Variants in MYO9A observed in about 807,000 individuals in gnomAD.
The protein encoded by MYO9A is unconventional myosin-IXa.
In MYO9A, 103 loss-of-function variants were observed where a neutral mutation model predicts 293.3. The observed-to-expected ratio is 0.35, with a 90% CI of 0.30 to 0.41. MYO9A has a LOEUF of 0.41. MYO9A is among the 10% of genes least tolerant of loss of function. The pLI is 1.00. For missense variants in MYO9A, 2,685 were observed against 3,033.0 expected (o/e 0.89, Z 2.69); for synonymous variants, 1,001 against 1,035.7 (o/e 0.97, Z 0.64).
In MYO9A at chr15:71,852,225, G is replaced by C; in HGVS notation, c.6382C>G (p.His2128Asp). The C allele has an allele frequency of 6.2e-7, 1 of 1,612,904 alleles. No individual in the cohort carries two copies. The highest frequency in any genetic ancestry group is 8.5e-7 in the Non-Finnish European group (1 of 1,179,120). ...ESVNLDDYNI[H>D]VIASVFKQWL... ...TGTTTGAATACACTTGCAATGACGT[G>C]TATGTTATAGTCATCTAGATTTACA... Residue 2128 changes from histidine (H) to aspartate (D), a missense_variant, in exon 36 of 42, where the codon CAC (histidine) becomes GAC (aspartate). This residue lies in a region of MYO9A where 238 missense variants were observed against 269.1 expected (regional missense o/e 0.88). Coordinates refer to ENST00000356056, the MANE Select transcript of MYO9A (RefSeq NM_006901.4).
At chr15:71,846,920 G>A (rs529927335) in intron 39 of MYO9A, among the ~76,000 whole-genome samples, 3 of 152,344 alleles carry the variant, frequency 2.0e-5, no homozygotes, top group African/African-American at 7.2e-5. Flanking sequence ...TAAATGCTAA[G>A]TGGATAAGAA....
chr15:71,978,211 T>C lies in MYO9A; in HGVS notation c.1804A>G (p.Lys602Glu). The C allele has an allele frequency of 6.2e-7, 1 of 1,613,376 alleles. No individual in the cohort carries two copies. Among genetic ancestry groups the C allele is most frequent in the Non-Finnish European group, 8.5e-7 (1 of 1,179,706 alleles). ...AAAAGATGAAGCAGTCCTGTTGGTTTTTTGCTAATAAGATTTATGCAGCAG... is the reference window on the plus strand; with the variant it reads ...AAAAGATGAAGCAGTCCTGTTGGTTCTTTGCTAATAAGATTTATGCAGCAG... ...NTCCINLISK[K>E]PTGLLHLLDE... Residue 602 changes from lysine (K) to glutamate (E), a missense_variant, in exon 12 of 42, where the codon AAA becomes GAA. Physicochemically the swap from Lys to Glu is moderately conservative, Grantham distance 56. This residue lies in a region of MYO9A where 201 missense variants were observed against 245.2 expected (regional missense o/e 0.82). Coordinates refer to ENST00000356056, the MANE Select transcript of MYO9A (RefSeq NM_006901.4).
intron 13 of MYO9A, among the ~76,000 whole-genome samples, chr15:71,966,831 T>C (rs752805107): frequency 6.6e-6 from 1 of 152,196 alleles, no homozygotes; most frequent in Non-Finnish European, 1.5e-5. Flanking sequence ...ACAAGTCGTA[T>C]CCTCTGCTTA....
chr15:72,005,304 C>G (rs545447035), intron 8 of MYO9A, among the ~76,000 whole-genome samples: 1 of 152,126 alleles, frequency 6.6e-6, no homozygotes, highest in African/African-American at 2.4e-5. Flanking sequence ...AGATTTCTCT[C>G]TTTTTTTTAA....
intron 40 of MYO9A, 127 bp from the exon 41 acceptor site, chr15:71,828,153 C>T: frequency 2.7e-6 from 3 of 1,093,696 alleles, no homozygotes; most frequent in Non-Finnish European, 3.9e-6. Flanking sequence ...CTGTCCCCAT[C>T]CAGGTGGTGA....
chr15:71,903,234 T>G (rs1596150078), intron 21 of MYO9A, among the ~76,000 whole-genome samples, 171 bp from the exon 22 acceptor site: 1 of 151,420 alleles, frequency 6.6e-6, no homozygotes, highest in Admixed American at 6.6e-5. Context: ...ACATAGGAGG[T>G]GGAGAAAGAT....
At chr15:72,069,802 A>T (rs974683062) in intron 1 of MYO9A, among the ~76,000 whole-genome samples, 1 of 148,540 alleles carries the variant, frequency 6.7e-6, no homozygotes, top group African/African-American at 2.5e-5. Context: ...CTGACTTTCA[A>T]TTAGAATGGG....
intron 6 of MYO9A, among the ~76,000 whole-genome samples, chr15:72,010,742 T>C (rs2077148553): frequency 6.6e-6 from 1 of 152,198 alleles, no homozygotes; most frequent in Non-Finnish European, 1.5e-5. Flanking sequence ...ACTCAGTAAG[T>C]GTGCTGATAC....
chr15:71,922,647 T>C (rs771486806), intron 18 of MYO9A, among the ~76,000 whole-genome samples: 2 of 152,176 alleles, frequency 1.3e-5, no homozygotes, highest in Non-Finnish European at 2.9e-5. Context: ...AACTCTATTA[T>C]ATACTGCTAT....
At position 71,956,347 on chromosome 15, in the gene MYO9A, AT is replaced by A. The variant is rs1209987773; in HGVS notation, c.2182+3553del. Among the ~76,000 whole-genome samples the A allele has an allele frequency of 4.4e-5, 6 of 137,296 alleles. No homozygotes were observed. In the East Asian group the frequency reaches 6.1e-4, roughly 14 times the overall value. 90.1% of individuals were successfully genotyped at this position (137,296 alleles called of 152,430 possible). On this transcript the variant is annotated intron_variant, in intron 14 of 41. Coordinates refer to ENST00000356056, the MANE Select transcript of MYO9A (RefSeq NM_006901.4). ...AAAAAAAAAATATATATATATATAT[AT>A]ATAAAATACGCCCAGCGTGGTGGCT...
At chr15:72,044,350 G>A (rs942468645) in intron 2 of MYO9A, among the ~76,000 whole-genome samples, 2 of 151,030 alleles carry the variant, frequency 1.3e-5, no homozygotes, top group Non-Finnish European at 1.5e-5. Context: ...AGGCTGCGGT[G>A]AGCCGAGACC....
chr15:71,867,784 A>C (rs1353331393), intron 32 of MYO9A, among the ~76,000 whole-genome samples: 1 of 144,438 alleles, frequency 6.9e-6, no homozygotes, highest in Non-Finnish European at 1.5e-5. Flanking sequence ...ACTAATTTCA[A>C]TTCTGGGAAT....
chr15:71,902,744 T>G (rs1218138820), intron 22 of MYO9A, among the ~76,000 whole-genome samples, 197 bp downstream of exon 22: 3 of 152,150 alleles, frequency 2.0e-5, no homozygotes, highest in Non-Finnish European at 4.4e-5. Flanking sequence ...GCAGTTAAAA[T>G]TATAGTCAGA....
At chr15:71,917,776 A>C (rs545681280) in intron 18 of MYO9A, among the ~76,000 whole-genome samples, 2 of 152,324 alleles carry the variant, frequency 1.3e-5, no homozygotes, top group South Asian at 4.1e-4. Context: ...TGTTATTTAA[A>C]AAGTAATCAA....
intron 10 of MYO9A, 75 bp from the exon 11 acceptor site, chr15:71,991,312 A>G: frequency 8.0e-7 from 1 of 1,245,262 alleles, no homozygotes; most frequent in South Asian, 1.5e-5. Flanking sequence ...CAACATAAGT[A>G]ACAAAATGCT....
At chr15:72,055,569 A>G (rs950301245) in intron 1 of MYO9A, among the ~76,000 whole-genome samples, 1 of 152,154 alleles carries the variant, frequency 6.6e-6, no homozygotes, top group African/African-American at 2.4e-5. Context: ...GTGTATATCC[A>G]ATAAAGGACT....
Position 71,822,449 on chromosome 15 carries a change from A to G in MYO9A, c.*4131T>C, listed in dbSNP as rs1010322567. The G allele has an allele frequency of 2.6e-5, 4 of 152,204 alleles. No individual in the cohort carries two copies. The highest frequency in any genetic ancestry group is 9.7e-5 in the African/African-American group (4 of 41,440). 9.4% of individuals were successfully genotyped at this position (152,204 alleles called of 1,614,324 possible). ...ACCCCCCAGCAAAGAAAAAAAAACAAAAAGGAAATTACAAAGTGCCTATTG... is the reference window on the plus strand; with the variant it reads ...ACCCCCCAGCAAAGAAAAAAAAACAGAAAGGAAATTACAAAGTGCCTATTG... On this transcript the variant is annotated 3_prime_UTR_variant, in exon 42 of 42. Coordinates refer to ENST00000356056, the MANE Select transcript of MYO9A (RefSeq NM_006901.4).
chr15:72,007,125 A>G (rs1290677422), intron 8 of MYO9A, among the ~76,000 whole-genome samples: 1 of 152,162 alleles, frequency 6.6e-6, no homozygotes, highest in Non-Finnish European at 1.5e-5. Context: ...TACATATTAA[A>G]ATATGTATAG....
intron 1 of MYO9A, among the ~76,000 whole-genome samples, chr15:72,057,023 C>T (rs1335856372): frequency 1.3e-5 from 2 of 152,106 alleles, no homozygotes; most frequent in Non-Finnish European, 2.9e-5. Context: ...AGGAGAATTG[C>T]TTGAACCTGG....
Sources: allele counts gnomAD v4.1 joint callset (sites outside exome capture counted in the v4.1 genomes callset), GRCh38; gene constraint gnomAD v4.1.1; regional missense constraint gnomAD v4.1.1; transcripts MANE v1.5; gene names NCBI Gene and HGNC (gene_info 2026-07-23, HGNC 2026-07-21).